The following UGGT1 variants were observed in gnomAD, a reference collection of about 807,000 sequenced individuals.
The protein encoded by UGGT1 is UDP-glucose:glycoprotein glucosyltransferase 1.
UGGT1 carries 107 observed loss-of-function variants against 203.9 expected under a neutral mutation model. The ratio of observed to expected loss-of-function variants is 0.52; its 90% confidence interval spans 0.45 to 0.62. The LOEUF is 0.62. UGGT1 is among the 20% of genes least tolerant of loss of function. The probability of loss-of-function intolerance (pLI) is 0.00; values close to 1 mark genes in which losing one functional copy is unlikely to be tolerated. For synonymous variants in UGGT1, 628 were observed against 653.5 expected (o/e 0.96, Z 0.59); for missense variants, 1,673 against 1,867.2 (o/e 0.90, Z 1.92).
intron 15 of UGGT1, among the ~76,000 whole-genome samples, chr2:128,136,556 T>C (rs1016607899): frequency 5.3e-5 from 8 of 152,354 alleles, no homozygotes; most frequent in Admixed American, 1.3e-4. Flanking sequence ...TTTCTTCTTA[T>C]CACTGGATAA....
In UGGT1 at chr2:128,182,126, C is replaced by T; in HGVS notation, c.4084-4C>T. The T allele has an allele frequency of 6.2e-7, 1 of 1,612,776 alleles. No homozygotes were observed. The highest frequency in any genetic ancestry group is 8.5e-7 in the Non-Finnish European group (1 of 1,179,366). On this transcript the variant is annotated splice_region_variant and splice_polypyrimidine_tract_variant and intron_variant, in intron 36 of 40. Transcript: ENST00000259253. Reference sequence around the variant, plus strand: ...CTTAACAAATGACTTTTTATATTCTCCAGATTGTACGAACAGATCTGAAAG... The same window carrying T: ...CTTAACAAATGACTTTTTATATTCTTCAGATTGTACGAACAGATCTGAAAG...
intron 25 of UGGT1, among the ~76,000 whole-genome samples, chr2:128,162,162 T>C (rs1224726231): frequency 1.3e-5 from 2 of 152,136 alleles, no homozygotes; most frequent in Admixed American, 1.3e-4. Flanking sequence ...AGATTGGCCA[T>C]TTATATATCT....
chr2:128,160,643 A>G, intron 24 of UGGT1, 52 bp downstream of exon 24: 4 of 1,563,208 alleles, frequency 2.6e-6, no homozygotes, highest in Non-Finnish European at 2.6e-6. Flanking sequence ...CAGTCTTTGC[A>G]GCATTCTCCT....
rs1219321980 is a variant in UGGT1 at position 128,145,920 on chromosome 2, C to A, written c.1969C>A (p.His657Asn). The A allele has an allele frequency of 1.2e-6, 2 of 1,614,122 alleles. No homozygotes were observed. Among genetic ancestry groups the A allele is most frequent in the Admixed American group, 3.3e-5 (2 of 60,012 alleles). The change falls in exon 18 of 41, where the codon CAT becomes AAT. Residue 657 changes from histidine to asparagine, a missense_variant. Transcript: ENST00000259253. ...DPDELETITM[H>N]KILETTTFFQ... ...TGATGAGTTAGAAACCATCACAATGCATAAAATCCTGGAGACCACCACCTT... is the reference window on the plus strand; with the variant it reads ...TGATGAGTTAGAAACCATCACAATGAATAAAATCCTGGAGACCACCACCTT...
chr2:128,100,027 C>CCG lies in UGGT1; in HGVS notation c.194+2464_194+2465insGC, dbSNP rs1553431328. On this transcript the variant is annotated intron_variant, in intron 2 of 40. Transcript: ENST00000259253. ...GTCATTGAGATTTACAACCCCCCCC[C>CCG]CCACCCTACTTATTTTTTTTGAGAC... 7.5e-5 allele frequency among the ~76,000 whole-genome samples: 4 copies of CCG among 53,040 alleles called. 1 individual carries two copies. The highest frequency in any genetic ancestry group is 2.7e-4 in the Admixed American group (1 of 3,716). The allele number at this position is 53,040 out of a possible 152,430, so 34.8% of individuals were successfully genotyped here.
chr2:128,098,049 A>G (rs1488991200), intron 2 of UGGT1, among the ~76,000 whole-genome samples: 1 of 151,948 alleles, frequency 6.6e-6, no homozygotes, highest in African/African-American at 2.4e-5. Context: ...TTTAGTAGAG[A>G]AGGGGTTTCG....
intron 26 of UGGT1, among the ~76,000 whole-genome samples, chr2:128,168,423 TA>T (rs1690904576): frequency 6.6e-6 from 1 of 152,238 alleles, no homozygotes; most frequent in Non-Finnish European, 1.5e-5. Context: ...AGATGTGAAG[TA>T]ACCTCCATGA....
Position 128,091,329 on chromosome 2 carries a change from C to T in UGGT1, c.-29C>T, listed in dbSNP as rs1322929354. The T allele has an allele frequency of 6.5e-7, 1 of 1,546,070 alleles. No individual in the cohort carries two copies. The highest frequency in any genetic ancestry group is 1.2e-5 in the South Asian group (1 of 83,838). ...CGCCCTGCCCTGGCGTTGTCTCTGG[C>T]ACTGTGGCGGACTGACCACGGCCCG... On this transcript the variant is annotated 5_prime_UTR_variant, in exon 1 of 41. Coordinates refer to ENST00000259253, the MANE Select transcript of UGGT1 (RefSeq NM_020120.4).
At chr2:128,160,024 C>T (rs565150160) in intron 23 of UGGT1, among the ~76,000 whole-genome samples, 5 of 152,250 alleles carry the variant, frequency 3.3e-5, no homozygotes, top group Non-Finnish European at 7.4e-5. Context: ...CTTATAGGTT[C>T]AAGGCTTATA....
At chr2:128,172,846 A>G (rs1032500117) in intron 29 of UGGT1, 84 bp downstream of exon 29, 3 of 1,276,108 alleles carry the variant, frequency 2.4e-6, no homozygotes, top group Non-Finnish European at 3.3e-6. Context: ...CCTCTGAGAC[A>G]TCAGTGTTCA....
intron 3 of UGGT1, 88 bp downstream of exon 3, chr2:128,104,102 A>G (rs778369659): frequency 2.5e-5 from 24 of 964,830 alleles, no homozygotes; most frequent in Admixed American, 2.9e-5. Context: ...GTGGCATGGC[A>G]GTTAATGGAA....
intron 1 of UGGT1, 79 bp downstream of exon 1, chr2:128,091,494 A>T: frequency 6.6e-7 from 1 of 1,517,490 alleles, no homozygotes; most frequent in East Asian, 2.5e-5. Flanking sequence ...CCCCTGTCAC[A>T]TTGAGCTTCC....
chr2:128,173,161 A>C, intron 29 of UGGT1, among the ~76,000 whole-genome samples: 1 of 152,260 alleles, frequency 6.6e-6, no homozygotes, highest in Non-Finnish European at 1.5e-5. Flanking sequence ...CTTCTTTCAC[A>C]TAACAAATTG....
intron 14 of UGGT1, among the ~76,000 whole-genome samples, 171 bp downstream of exon 14, chr2:128,133,431 C>T (rs1404739031): frequency 6.6e-6 from 1 of 152,172 alleles, no homozygotes; most frequent in Non-Finnish European, 1.5e-5. Flanking sequence ...GTACTGACCA[C>T]TTGTGGGGCT....
intron 26 of UGGT1, among the ~76,000 whole-genome samples, chr2:128,166,567 G>T (rs1690799818): frequency 6.6e-6 from 1 of 152,138 alleles, no homozygotes; most frequent in Non-Finnish European, 1.5e-5. Context: ...TTACAGAGTT[G>T]TGTCTCTTTG....
chr2:128,115,203 AT>A lies in UGGT1; in HGVS notation c.777del (p.Asp259GlufsTer5). 5 of 1,613,870 alleles carry A rather than the reference AT, an allele frequency of 3.1e-6. No homozygotes were observed. The highest frequency in any genetic ancestry group is 4.2e-6 in the Non-Finnish European group (5 of 1,179,848). On this transcript the variant is annotated frameshift_variant, in exon 7 of 41. Coordinates refer to ENST00000259253, the MANE Select transcript of UGGT1 (RefSeq NM_020120.4). LOFTEE classifies it high-confidence loss of function. ...AAGAGCACTGAGTACAAGGCCAAGG[AT>A]GATACTCAGGTGAAAGGTGAATTTG... ...AIKSTEYKAKDDTQVKGTEVN... is the reference protein window; with the variant it reads ...AIKSTEYKAKXDTQVKGTEVN...
intron 1 of UGGT1, among the ~76,000 whole-genome samples, chr2:128,095,479 C>CTCT (rs1228339392): frequency 1.3e-5 from 2 of 149,502 alleles, no homozygotes; most frequent in Non-Finnish European, 3.0e-5. Flanking sequence ...CCTCCTCCTC[C>CTCT]TCTTCCTCCT....
intron 17 of UGGT1, among the ~76,000 whole-genome samples, chr2:128,144,751 T>G (rs1361190161): frequency 2.0e-5 from 3 of 152,224 alleles, no homozygotes; most frequent in Non-Finnish European, 4.4e-5. Context: ...CTTGTCTGAT[T>G]AGAAAGTAAG....
At chr2:128,171,514 T>A (rs1346001087) in intron 28 of UGGT1, 36 of 473,330 alleles carry the variant, frequency 7.6e-5, no homozygotes, top group Non-Finnish European at 1.1e-5. Flanking sequence ...GTGCCTTTTC[T>A]TTCTTTTTTT....
Sources: gnomAD v4.1 joint callset for allele counts (sites outside exome capture counted in the v4.1 genomes callset) on GRCh38, gnomAD v4.1.1 for gene constraint, MANE v1.5 for transcripts, NCBI Gene and HGNC (gene_info 2026-07-23, HGNC 2026-07-21) for gene names.